Variants in PDE7A observed in about 807,000 individuals in gnomAD.
PDE7A encodes the protein phosphodiesterase 7A.
Under a neutral mutation model 64.3 loss-of-function variants are expected in PDE7A, and 39 were observed. That is an observed-to-expected ratio of 0.61 (90% CI 0.47 to 0.79). The LOEUF is 0.79. PDE7A is among the 30% of genes least tolerant of loss of function. PDE7A has a pLI of 0.00. For synonymous variants in PDE7A, 203 were observed against 206.8 expected, an observed-to-expected ratio of 0.98 and a Z score of 0.16; for missense variants, 470 against 582.8, an observed-to-expected ratio of 0.81 and a Z score of 1.99.
chr8:65,811,469 C>A (rs936123484), intron 1 of PDE7A, among the ~76,000 whole-genome samples: 8 of 152,310 alleles, frequency 5.3e-5, no homozygotes, highest in African/African-American at 1.9e-4. Context: ...GCCAACCCAA[C>A]GAGAAGCCAG....
chr8:65,808,527 T>C (rs910631296), intron 1 of PDE7A, among the ~76,000 whole-genome samples: 1 of 152,186 alleles, frequency 6.6e-6, no homozygotes, highest in African/African-American at 2.4e-5. Flanking sequence ...AAAGAATCTA[T>C]TTCAATGAAC....
rs1410099626 is a variant in PDE7A at position 65,719,100 on chromosome 8, A to G, written c.*190T>C. 7 of 590,862 alleles carry G rather than the reference A, an allele frequency of 1.2e-5. No homozygotes were observed. The highest frequency in any genetic ancestry group is 2.1e-5 in the Non-Finnish European group (7 of 330,918). The allele number at this position is 590,862 out of a possible 1,614,324, so 36.6% of individuals were successfully genotyped here. On this transcript the variant is annotated 3_prime_UTR_variant, in exon 13 of 13. Transcript: ENST00000401827. Reference sequence around the variant, plus strand: ...ATGAAAGCCAAATTCATATTGCTGTATGTTCGGGTCTTGCAATTAACAAGT... The same window carrying G: ...ATGAAAGCCAAATTCATATTGCTGTGTGTTCGGGTCTTGCAATTAACAAGT...
chr8:65,788,166 G>GA (rs1369466800), intron 1 of PDE7A, among the ~76,000 whole-genome samples: 3 of 151,842 alleles, frequency 2.0e-5, no homozygotes, highest in South Asian at 2.1e-4. Flanking sequence ...AATCTAGAAA[G>GA]AAAAAAAGCT....
At chr8:65,795,575 A>G (rs1483774362) in intron 1 of PDE7A, among the ~76,000 whole-genome samples, 1 of 152,220 alleles carries the variant, frequency 6.6e-6, no homozygotes, top group Non-Finnish European at 1.5e-5. Flanking sequence ...CACAGAGAAG[A>G]GACCTCAGGG....
chr8:65,780,991 G>C (rs1809400105), intron 2 of PDE7A: 1 of 152,226 alleles, frequency 6.6e-6, no homozygotes, highest in African/African-American at 2.4e-5. Flanking sequence ...ATAAAGCAGT[G>C]AGCAAAATAC....
chr8:65,763,480 A>G (rs1808612000), intron 3 of PDE7A, among the ~76,000 whole-genome samples: 1 of 151,978 alleles, frequency 6.6e-6, no homozygotes, highest in Non-Finnish European at 1.5e-5. Context: ...CAGGAGAATC[A>G]CTTGAACCCA....
chr8:65,759,908 T>G (rs1808414126), intron 3 of PDE7A, among the ~76,000 whole-genome samples: 1 of 152,198 alleles, frequency 6.6e-6, no homozygotes, highest in South Asian at 2.1e-4. Flanking sequence ...CGTATAATTT[T>G]TCTTTCATCT....
At chr8:65,735,002 G>C in intron 6 of PDE7A, 108 bp from the exon 7 acceptor site, 1 of 717,010 alleles carries the variant, frequency 1.4e-6, no homozygotes, top group Non-Finnish European at 2.5e-6. Flanking sequence ...TGTAGCTATC[G>C]GCTAAAATCG....
chr8:65,748,163 T>C (rs1807773486), intron 3 of PDE7A, among the ~76,000 whole-genome samples: 1 of 151,818 alleles, frequency 6.6e-6, no homozygotes, highest in Non-Finnish European at 1.5e-5. Context: ...CACATAAACA[T>C]GGAGCAGAAA....
chr8:65,833,730 A>C (rs1453744764), intron 1 of PDE7A, among the ~76,000 whole-genome samples: 3 of 152,146 alleles, frequency 2.0e-5, no homozygotes, highest in Non-Finnish European at 4.4e-5. Flanking sequence ...TTGGGAGGCC[A>C]AGGTGGGCGG....
rs564731930 is a variant in PDE7A at position 65,735,537 on chromosome 8, C to G, written c.596-643G>C. Among the ~76,000 whole-genome samples, 5 of 152,294 alleles carry G rather than the reference C, an allele frequency of 3.3e-5. No homozygotes were observed. In the East Asian group the frequency reaches 7.7e-4, roughly 24 times the overall value. ...TGTTGCCCAGGCTGGTTTCAAACCC[C>G]TGGGCTCAAGGAGTCCACCTGCCTT... On this transcript the variant is annotated intron_variant, in intron 6 of 12. Coordinates refer to ENST00000401827, the MANE Select transcript of PDE7A (RefSeq NM_001242318.3).
intron 3 of PDE7A, among the ~76,000 whole-genome samples, chr8:65,779,007 G>A (rs1809331411): frequency 6.6e-6 from 1 of 152,154 alleles, no homozygotes; most frequent in African/African-American, 2.4e-5. Flanking sequence ...ACCTTTCCCA[G>A]AATCAGTACA....
intron 1 of PDE7A, among the ~76,000 whole-genome samples, chr8:65,827,067 C>T (rs75048716): frequency 0.036 from 5,509 of 152,264 alleles, 139 homozygotes; most frequent in African/African-American, 0.075. Flanking sequence ...AAGACCCTTA[C>T]TCCAAATAAG....
intron 1 of PDE7A, among the ~76,000 whole-genome samples, chr8:65,841,029 G>T (rs1811071749): frequency 6.6e-6 from 1 of 152,214 alleles, no homozygotes; most frequent in African/African-American, 2.4e-5. Context: ...GGTGTACCCT[G>T]GGGCCACGAC....
chr8:65,732,519 T>G (rs1188307175), intron 7 of PDE7A, among the ~76,000 whole-genome samples: 1 of 152,134 alleles, frequency 6.6e-6, no homozygotes, highest in African/African-American at 2.4e-5. Context: ...TCTTCAGGCA[T>G]CTATCTAATC....
chr8:65,798,206 A>ATATTTTTTTTT lies in PDE7A; in HGVS notation c.139-15364_139-15363insAAAAAAAAATA. 6.8e-5 allele frequency among the ~76,000 whole-genome samples: 5 copies of ATATTTTTTTTT among 73,834 alleles called. 1 individual carries two copies. The highest frequency in any genetic ancestry group is 2.9e-4 in the African/African-American group (5 of 17,138). The allele number at this position is 73,834 out of a possible 152,430, so 48.4% of individuals were successfully genotyped here. ...TATATATATATATATATATATATATATTTTTTTTTTTTTGAGATGGAGTCT... is the reference window on the plus strand; with the variant it reads ...TATATATATATATATATATATATATATATTTTTTTTTTTTTTTTTTTTTTGAGATGGAGTCT... On this transcript the variant is annotated intron_variant, in intron 1 of 12. Coordinates refer to ENST00000401827, the MANE Select transcript of PDE7A (RefSeq NM_001242318.3).
At chr8:65,793,364 A>T (rs1480529034) in intron 1 of PDE7A, among the ~76,000 whole-genome samples, 2 of 152,182 alleles carry the variant, frequency 1.3e-5, no homozygotes, top group Non-Finnish European at 1.5e-5. Context: ...TTACAAAATT[A>T]AAAAAATTAA....
chr8:65,816,483 G>C (rs998068505), intron 1 of PDE7A, among the ~76,000 whole-genome samples: 1 of 152,174 alleles, frequency 6.6e-6, no homozygotes, highest in African/African-American at 2.4e-5. Context: ...TCCATCTGGT[G>C]TCATTTCCTA....
At chr8:65,774,564 A>G (rs569055715) in intron 3 of PDE7A, among the ~76,000 whole-genome samples, 28 of 152,088 alleles carry the variant, frequency 1.8e-4, no homozygotes, top group African/African-American at 6.7e-4. Flanking sequence ...CTTTAACTTT[A>G]TATGGGTTAT....
Sources: allele counts gnomAD v4.1 joint callset (sites outside exome capture counted in the v4.1 genomes callset), GRCh38; gene constraint gnomAD v4.1.1; transcripts MANE v1.5; gene names NCBI Gene and HGNC (gene_info 2026-07-23, HGNC 2026-07-21).